TENM3: variants seen among roughly 807,000 people sequenced by gnomAD.
TENM3 encodes teneurin transmembrane protein 3, also known as teneurin-3.
Under a neutral mutation model 255.1 loss-of-function variants are expected in TENM3, and 63 were observed. The observed-to-expected ratio is 0.25, with a 90% confidence interval of 0.20 to 0.30. The LOEUF (loss-of-function observed/expected upper bound fraction) is 0.30. TENM3 is among the 10% of genes least tolerant of loss of function. The pLI is 1.00. For synonymous variants in TENM3, 1,306 were observed against 1,322.3 expected, an observed-to-expected ratio of 0.99 and a Z score of 0.27; for missense variants, 2,929 against 3,461.1, an observed-to-expected ratio of 0.85 and a Z score of 3.86.
chr4:182,617,309 T>C (rs1424011839), intron 4 of TENM3, among the ~76,000 whole-genome samples: 2 of 152,200 alleles, frequency 1.3e-5, no homozygotes, highest in African/African-American at 4.8e-5. Flanking sequence ...AACAGTACTT[T>C]TAAAAATCAT....
chr4:182,422,362 C>T (rs1770900933), intron 3 of TENM3, among the ~76,000 whole-genome samples: 1 of 152,094 alleles, frequency 6.6e-6, no homozygotes, highest in African/African-American at 2.4e-5. Flanking sequence ...AAGGCGTAAC[C>T]GCGTTGTTTT....
At chr4:182,089,587 T>C in the TENM3 span, among the ~76,000 whole-genome samples, 2 of 152,180 alleles carry the variant, frequency 1.3e-5, no homozygotes, top group Non-Finnish European at 2.9e-5. Flanking sequence ...AAAAAAACCA[T>C]TGGACTCTCT....
intron 4 of TENM3, among the ~76,000 whole-genome samples, chr4:182,605,766 A>G (rs889383215): frequency 1.3e-5 from 2 of 152,154 alleles, no homozygotes; most frequent in Non-Finnish European, 2.9e-5. Context: ...TGAGGAAGCT[A>G]TTGTAAGCTT....
At chr4:182,442,322 C>T (rs1475657904) in intron 3 of TENM3, among the ~76,000 whole-genome samples, 3 of 152,104 alleles carry the variant, frequency 2.0e-5, no homozygotes, top group Non-Finnish European at 4.4e-5. Context: ...TATCTTAGTA[C>T]ATATGGATTC....
chr4:182,789,285 C>A lies in TENM3; in HGVS notation c.5497C>A (p.Gln1833Lys). 1 of 1,613,746 alleles carries A rather than the reference C, an allele frequency of 6.2e-7. No individual in the cohort carries two copies. The highest frequency in any genetic ancestry group is 8.5e-7 in the Non-Finnish European group (1 of 1,179,800). The stretch of plus-strand genomic sequence containing the variant: ...ATCCACAGGTCAAATTGCCAGCATC[C>A]AGCGAGGCACCACTAGCGAGAAAGT... Reference protein sequence around the residue: ...YSSTGQIASIQRGTTSEKVDY... With the variant: ...YSSTGQIASIKRGTTSEKVDY... Residue 1833 changes from glutamine (Q) to lysine (K), a missense_variant, in exon 25 of 28, where the codon CAG becomes AAG. Physicochemically the swap from Gln to Lys is moderately conservative, Grantham distance 53. This residue lies in a region of TENM3 where 303 missense variants were observed against 425.2 expected (regional missense o/e 0.71). Coordinates refer to ENST00000511685, the MANE Select transcript of TENM3 (RefSeq NM_001080477.4). The surrounding 1 kb of genome is among the most constrained non-coding windows in gnomAD (Gnocchi z 4.4).
chr4:182,011,839 C>A, the TENM3 span, among the ~76,000 whole-genome samples: 1 of 152,118 alleles, frequency 6.6e-6, no homozygotes, highest in African/African-American at 2.4e-5. Context: ...GGTGATGCTG[C>A]GTGACTTTCA....
chr4:182,449,256 GA>G (rs1452892216), intron 3 of TENM3, among the ~76,000 whole-genome samples: 1 of 16,436 alleles, frequency 6.1e-5, no homozygotes, highest in African/African-American at 1.5e-4. Context: ...TGTGGTGTCG[GA>G]ATGGGAGGAG....
At chr4:181,690,901 A>G in the TENM3 span, among the ~76,000 whole-genome samples, 48 of 151,518 alleles carry the variant, frequency 3.2e-4, no homozygotes, top group African/African-American at 1.1e-3. Context: ...ACAGAACCAT[A>G]TAGACCTTTT....
intron 2 of TENM3, among the ~76,000 whole-genome samples, chr4:182,338,021 T>C (rs1764251481): frequency 1.3e-5 from 2 of 152,162 alleles, no homozygotes; most frequent in African/African-American, 4.8e-5. Context: ...CTTATCTTGC[T>C]TGGGGTCATG....
chr4:182,575,265 A>G (rs563653928), intron 3 of TENM3, among the ~76,000 whole-genome samples: 10 of 152,230 alleles, frequency 6.6e-5, no homozygotes, highest in African/African-American at 2.4e-4. Flanking sequence ...ACTTCTTGAA[A>G]CTTCATGCGA....
At chr4:181,516,368 TAAA>T in the TENM3 span, among the ~76,000 whole-genome samples, 1 of 141,268 alleles carries the variant, frequency 7.1e-6, no homozygotes, top group Non-Finnish European at 1.5e-5. Context: ...AAAAAATATT[TAAA>T]AAAAAAAAAA....
the TENM3 span, among the ~76,000 whole-genome samples, chr4:181,569,151 A>G: frequency 6.6e-6 from 1 of 152,176 alleles, no homozygotes; most frequent in Non-Finnish European, 1.5e-5. Context: ...TGGACCACAT[A>G]GTGAGGCCCC....
chr4:182,752,042 G>T lies in TENM3; in HGVS notation c.3862+10G>T. 1 of 1,445,882 alleles carries T rather than the reference G, an allele frequency of 6.9e-7. No individual in the cohort carries two copies. Among genetic ancestry groups the T allele is most frequent in the Non-Finnish European group, 9.3e-7 (1 of 1,074,922 alleles). The allele number at this position is 1,445,882 out of a possible 1,614,324, so 89.6% of individuals were successfully genotyped here. On this transcript the variant is annotated intron_variant, in intron 20 of 27. Transcript: ENST00000511685. ...CTCATGAGTCCCAAAGGTACCGGCA[G>T]TTGGCGATTTGAGGATTTCTTTTTA...
intron 3 of TENM3, among the ~76,000 whole-genome samples, chr4:182,427,409 A>C (rs2151172171): frequency 6.6e-6 from 1 of 152,318 alleles, no homozygotes; most frequent in Middle Eastern, 3.4e-3. Context: ...TTCGAAGAGC[A>C]AGGAAGCTGG....
At chr4:182,397,272 G>A (rs1768894742) in intron 3 of TENM3, among the ~76,000 whole-genome samples, 1 of 150,956 alleles carries the variant, frequency 6.6e-6, no homozygotes, top group Non-Finnish European at 1.5e-5. Context: ...GTGGTGGCGG[G>A]TGCCTGTAAT....
rs1738972904 is a variant in TENM3 at position 182,524,789 on chromosome 4, G to C, written c.512-76135G>C. Among the ~76,000 whole-genome samples the C allele has an allele frequency of 2.0e-5, 3 of 149,872 alleles. No individual in the cohort carries two copies. The Admixed American group carries it at 2.0e-4, about 10-fold the overall frequency. On this transcript the variant is annotated intron_variant, in intron 3 of 27. Transcript: ENST00000511685. ...TCCTAAACTTTGGGAGGCCAAAGTG[G>C]ATGGATCCCTTACCCCCTGGAGTTT...
chr4:181,735,115 G>T, the TENM3 span, among the ~76,000 whole-genome samples: 1 of 151,876 alleles, frequency 6.6e-6, no homozygotes, highest in African/African-American at 2.4e-5. Flanking sequence ...AATAAATATA[G>T]ATTTATTCTA....
the TENM3 span, among the ~76,000 whole-genome samples, chr4:182,058,945 CGTGTGTGTGTGTGTGTGT>C: frequency 4.3e-5 from 6 of 139,136 alleles, no homozygotes; most frequent in East Asian, 4.3e-4. Context: ...AGTCATAGCT[CGTGTGTGTGTGTGTGTGT>C]GTGTGTGTGT....
chr4:181,852,733 C>T, the TENM3 span, among the ~76,000 whole-genome samples: 1 of 152,192 alleles, frequency 6.6e-6, no homozygotes, highest in Non-Finnish European at 1.5e-5. Flanking sequence ...ACCAGGCAAG[C>T]ATTACACATA....
Sources: gnomAD v4.1 joint callset for allele counts (sites outside exome capture counted in the v4.1 genomes callset) on GRCh38, gnomAD v4.1.1 for gene constraint, gnomAD v4.1.1 regional missense constraint, Gnocchi (gnomAD v3.1) non-coding constraint, MANE v1.5 for transcripts, NCBI Gene and HGNC (gene_info 2026-07-23, HGNC 2026-07-21) for gene names.